Variants in CASK observed in about 807,000 individuals in gnomAD.
The protein encoded by CASK is calcium/calmodulin dependent serine protein kinase.
In CASK, 4 loss-of-function variants were observed where a neutral mutation model predicts 82.9. That is an observed-to-expected ratio of 0.05 (90% CI 0.02 to 0.11). The LOEUF (loss-of-function observed/expected upper bound fraction) is 0.11, where lower values mean the gene tolerates loss of function less well. Ranked by LOEUF, CASK falls within the 10% of genes least tolerant of loss-of-function variation. The pLI is 1.00. For synonymous variants in CASK, 259 were observed against 253.5 expected (o/e 1.02, Z -0.20); for missense variants, 358 against 720.9 (o/e 0.50, Z 5.76).
chrX:41,858,021 T>C (rs2071404227), intron 1 of CASK, among the ~76,000 whole-genome samples: 2 of 112,432 alleles, frequency 1.8e-5, no homozygotes, highest in Admixed American at 1.9e-4. Flanking sequence ...ATAAGGACAT[T>C]TTCAGACAAA....
intron 4 of CASK, 89 bp from the exon 5 acceptor site, chrX:41,739,545 T>G (rs2068560027): frequency 1.7e-6 from 1 of 578,039 alleles, no homozygotes; most frequent in African/African-American, 2.2e-5. Context: ...ACTCCCACTC[T>G]CATATTAGCT....
chrX:41,541,449 C>A (rs2064944626), intron 22 of CASK, among the ~76,000 whole-genome samples: 1 of 111,922 alleles, frequency 8.9e-6, no homozygotes, highest in Non-Finnish European at 1.9e-5. Flanking sequence ...TTCTTCCCTT[C>A]ATAAAACCAA....
At chrX:41,800,068 C>G (rs982928211) in intron 2 of CASK, among the ~76,000 whole-genome samples, 2 of 110,354 alleles carry the variant, frequency 1.8e-5, no homozygotes, top group Non-Finnish European at 3.8e-5. Flanking sequence ...TGTAGTCCCC[C>G]CTGCCCACAC....
At chrX:41,756,715 C>T (rs759171818) in intron 3 of CASK, among the ~76,000 whole-genome samples, 6 of 112,451 alleles carry the variant, frequency 5.3e-5, no homozygotes, top group African/African-American at 1.9e-4. Context: ...GAGAAGTCTA[C>T]GACATAGGTA....
chrX:41,645,082 T>A lies in CASK; in HGVS notation c.832-8421A>T, dbSNP rs766095664. Among the ~76,000 whole-genome samples, 6 of 111,059 alleles carry A rather than the reference T, an allele frequency of 5.4e-5. No individual in the cohort carries two copies. In the Admixed American group the frequency reaches 5.8e-4, roughly 11 times the overall value. On this transcript the variant is annotated intron_variant, in intron 8 of 26. Transcript: ENST00000378163. ...CTGTCACCTACACCTATTCGCACACTCCTTCCTCTTTTGAAAATCCTTAAT... is the reference window on the plus strand; with the variant it reads ...CTGTCACCTACACCTATTCGCACACACCTTCCTCTTTTGAAAATCCTTAAT...
chrX:41,612,969 C>T (rs1341173781), intron 11 of CASK, among the ~76,000 whole-genome samples: 1 of 103,313 alleles, frequency 9.7e-6, no homozygotes, highest in Non-Finnish European at 2.0e-5. Context: ...AAGTGAGGAG[C>T]CCCTCTGCCT....
At chrX:41,870,592 G>C (rs1239954845) in intron 1 of CASK, among the ~76,000 whole-genome samples, 2 of 112,328 alleles carry the variant, frequency 1.8e-5, no homozygotes, top group Non-Finnish European at 3.8e-5. Context: ...ATGTCTTGCT[G>C]AGTTTTCAAG....
intron 2 of CASK, among the ~76,000 whole-genome samples, chrX:41,826,212 A>G (rs1181193643): frequency 8.9e-6 from 1 of 112,073 alleles, no homozygotes; most frequent in Non-Finnish European, 1.9e-5. Context: ...TGGGATCTAC[A>G]TCCTTTCTCC....
At chrX:41,688,123 A>C (rs2067476681) in intron 5 of CASK, among the ~76,000 whole-genome samples, 2 of 110,707 alleles carry the variant, frequency 1.8e-5, no homozygotes, top group South Asian at 7.5e-4. Context: ...GCTACAAAAC[A>C]TTTTTATTCT....
At chrX:41,611,236 T>C (rs1339351982) in intron 11 of CASK, among the ~76,000 whole-genome samples, 1 of 111,807 alleles carries the variant, frequency 8.9e-6, no homozygotes, top group Non-Finnish European at 1.9e-5. Context: ...ATCTTTATGC[T>C]CCAGAACTCT....
At chrX:41,796,881 G>C (rs1274330765) in intron 2 of CASK, among the ~76,000 whole-genome samples, 1 of 111,454 alleles carries the variant, frequency 9.0e-6, no homozygotes, top group Non-Finnish European at 1.9e-5. Context: ...TCTTTAAATG[G>C]GTTTCTTTGC....
chrX:41,923,487 G>A lies in CASK; in HGVS notation c.-499C>T, dbSNP rs2148117085. 9.0e-6 allele frequency: 1 copy of A among 111,155 alleles called. No individual in the cohort carries two copies. The highest frequency in any genetic ancestry group is 2.9e-4 in the East Asian group (1 of 3,446). The allele number at this position is 111,155 out of a possible 1,213,427, so 9.2% of individuals were successfully genotyped here. A position where few individuals can be genotyped will look rare whatever the true frequency, so the allele number is the denominator to read the frequency against. On this transcript the variant is annotated 5_prime_UTR_variant, in exon 1 of 27. Coordinates refer to ENST00000378163, the MANE Select transcript of CASK (RefSeq NM_001367721.1). Reference sequence around the variant, plus strand: ...GCGGCGGATCGGCGCTGGGGACCAGGAGGCGGCGGCAGAGACGCTCCCTCC... The same window carrying A: ...GCGGCGGATCGGCGCTGGGGACCAGAAGGCGGCGGCAGAGACGCTCCCTCC...
At chrX:41,691,840 CAAAAAA>C (rs397895684) in intron 5 of CASK, among the ~76,000 whole-genome samples, 59 of 28,480 alleles carry the variant, frequency 2.1e-3, no homozygotes, top group Non-Finnish European at 2.7e-3. Flanking sequence ...GACTCTGTCT[CAAAAAA>C]AAAAAAAAAA....
At chrX:41,869,958 G>A (rs753602438) in intron 1 of CASK, among the ~76,000 whole-genome samples, 5 of 108,686 alleles carry the variant, frequency 4.6e-5, no homozygotes, top group Non-Finnish European at 9.5e-5. Flanking sequence ...ACAAAAAGGT[G>A]AAAAACACAG....
intron 2 of CASK, among the ~76,000 whole-genome samples, chrX:41,816,918 A>G (rs1200861282): frequency 9.0e-6 from 1 of 110,704 alleles, no homozygotes; most frequent in Admixed American, 9.6e-5. Flanking sequence ...AAGAAATAAT[A>G]CCACATCTAC....
chrX:41,755,546 A>C (rs2068878944), intron 3 of CASK, among the ~76,000 whole-genome samples: 1 of 112,214 alleles, frequency 8.9e-6, no homozygotes, highest in African/African-American at 3.2e-5. Flanking sequence ...TGATTAAAAA[A>C]CTTAAAAAAC....
chrX:41,684,183 A>C (rs2147531268), intron 5 of CASK, among the ~76,000 whole-genome samples: 1 of 112,035 alleles, frequency 8.9e-6, no homozygotes, highest in African/African-American at 3.2e-5. Context: ...ATCTCTAAAT[A>C]TCTCCCTACA....
At chrX:41,555,719 G>A in intron 19 of CASK, 84 bp from the exon 20 acceptor site, 1 of 693,106 alleles carries the variant, frequency 1.4e-6, no homozygotes, top group Non-Finnish European at 2.3e-6. Context: ...GTTACAATAT[G>A]GTTAAAAAAA....
At chrX:41,638,245 G>A (rs1037035555) in intron 8 of CASK, among the ~76,000 whole-genome samples, 1 of 111,141 alleles carries the variant, frequency 9.0e-6, no homozygotes, top group Admixed American at 9.6e-5. Context: ...AAGCAGGTAA[G>A]AGGGATTGGG....
Sources: gnomAD v4.1 joint callset for allele counts (sites outside exome capture counted in the v4.1 genomes callset) on GRCh38, gnomAD v4.1.1 for gene constraint, MANE v1.5 for transcripts, NCBI Gene and HGNC (gene_info 2026-07-23, HGNC 2026-07-21) for gene names.